The following RFLNA variants were observed in gnomAD, a reference collection of about 807,000 sequenced individuals.
The protein encoded by RFLNA is refilin-A.
In RFLNA, 5 loss-of-function variants were observed where a neutral mutation model predicts 7.8. The ratio of observed to expected loss-of-function variants is 0.64; its 90% CI spans 0.34 to 1.35. The LOEUF (loss-of-function observed/expected upper bound fraction) is 1.35, where lower values mean the gene tolerates loss of function less well. Ranked by LOEUF, RFLNA falls within the 40% of genes most tolerant of loss-of-function variation. The pLI is 0.04. For missense variants in RFLNA, 278 were observed against 305.5 expected (o/e 0.91, Z 0.67); for synonymous variants, 141 against 131.3 (o/e 1.07, Z -0.50).
upstream of RFLNA, among the ~76,000 whole-genome samples, chr12:124,290,224 A>G (rs918370814): frequency 1.3e-5 from 2 of 151,960 alleles, no homozygotes; most frequent in East Asian, 1.9e-4. The surrounding 1 kb of genome is among the most constrained non-coding windows in gnomAD (Gnocchi z 4.0). Flanking sequence ...GTGTGTGTGT[A>G]TGTGTGTAGA....
In RFLNA at chr12:124,314,303, C is replaced by T; in HGVS notation, c.429C>T (p.Asn143=). 6.2e-7 allele frequency: 1 copy of T among 1,613,520 alleles called. No individual in the cohort carries two copies. The highest frequency in any genetic ancestry group is 8.5e-7 in the Non-Finnish European group (1 of 1,180,022). Residue 143 remains asparagine (N), a synonymous_variant, in exon 3 of 3, where the codon AAC becomes AAT. Transcript: ENST00000546355. ...AYSETIVAAP[N]CTWRNYRSQL... Reference sequence around the variant, plus strand: ...GCGAGACCATCGTGGCAGCACCCAACTGCACGTGGCGCAACTACCGCAGCC... The same window carrying T: ...GCGAGACCATCGTGGCAGCACCCAATTGCACGTGGCGCAACTACCGCAGCC...
intron 1 of RFLNA, among the ~76,000 whole-genome samples, chr12:124,300,916 G>GTGGATGGATGGA (rs57838924): frequency 1.4e-5 from 2 of 145,130 alleles, no homozygotes; most frequent in Admixed American, 1.4e-4. Context: ...GGGCAGAAGG[G>GTGGATGGATGGA]TGGATGGATG....
At chr12:124,311,694 C>T (rs1162165649) in intron 1 of RFLNA, 124 bp from the exon 2 acceptor site, 1 of 932,422 alleles carries the variant, frequency 1.1e-6, no homozygotes, top group Non-Finnish European at 1.5e-6. Context: ...TGATGGGCCC[C>T]ACCAAGCAGC....
intron 1 of RFLNA, among the ~76,000 whole-genome samples, chr12:124,296,125 TCTCTCTC>T (rs2033914310): frequency 3.2e-4 from 1 of 3,086 alleles, no homozygotes; most frequent in Non-Finnish European, 0.013. Flanking sequence ...TCTTTCTTTC[TCTCTCTC>T]TCTCTCTTCT....
Position 124,314,574 on chromosome 12 carries a change from A to AGGAGCCGGGAGCCCTGGGG in RFLNA, c.*50_*51insGAGCCGGGAGCCCTGGGGG. 6.5e-7 allele frequency: 1 copy of AGGAGCCGGGAGCCCTGGGG among 1,531,258 alleles called. No homozygotes were observed. The highest frequency in any genetic ancestry group is 8.7e-7 in the Non-Finnish European group (1 of 1,146,358). 94.9% of individuals were successfully genotyped at this position (1,531,258 alleles called of 1,614,324 possible). A position where few individuals can be genotyped will look rare whatever the true frequency, so the allele number is the denominator to read the frequency against. ...GCTGGAGGAGCCGGGAGCCCTGGGGAGAAGCCGGGAGGATGGACACGATGA... is the reference window on the plus strand; with the variant it reads ...GCTGGAGGAGCCGGGAGCCCTGGGGAGGAGCCGGGAGCCCTGGGGGAAGCCGGGAGGATGGACACGATGA... On this transcript the variant is annotated 3_prime_UTR_variant, in exon 3 of 3. Coordinates refer to ENST00000546355, the MANE Select transcript of RFLNA (RefSeq NM_001365156.1).
chr12:124,292,137 A>G (rs2033833398), upstream of RFLNA, among the ~76,000 whole-genome samples: 1 of 152,148 alleles, frequency 6.6e-6, no homozygotes, highest in Non-Finnish European at 1.5e-5. Flanking sequence ...TGTATATGTG[A>G]GGAACTTTGG....
chr12:124,293,844 T>A (rs1363968417), upstream of RFLNA, among the ~76,000 whole-genome samples: 1 of 152,150 alleles, frequency 6.6e-6, no homozygotes, highest in Admixed American at 6.5e-5. Flanking sequence ...GTGCGCTAAT[T>A]CTCACTGCTT....
chr12:124,311,808 C>G lies in RFLNA; in HGVS notation c.208-10C>G. The G allele has an allele frequency of 1.3e-6, 2 of 1,570,938 alleles. No homozygotes were observed. Among genetic ancestry groups the G allele is most frequent in the Non-Finnish European group, 1.7e-6 (2 of 1,159,186 alleles). On this transcript the variant is annotated splice_polypyrimidine_tract_variant and intron_variant, in intron 1 of 2. Transcript: ENST00000546355. ...GCTGCATAACCCCGTGTCCCTGGCTCTCCCCACAGCCCCCCTCCCAACTCC... is the reference window on the plus strand; with the variant it reads ...GCTGCATAACCCCGTGTCCCTGGCTGTCCCCACAGCCCCCCTCCCAACTCC...
intron 1 of RFLNA, among the ~76,000 whole-genome samples, chr12:124,307,725 C>T (rs1026742993): frequency 6.6e-6 from 1 of 152,184 alleles, no homozygotes; most frequent in African/African-American, 2.4e-5. Context: ...ATGTGGTTCT[C>T]TTGTGTGATC....
At chr12:124,299,095 T>C (rs2135676169) in intron 1 of RFLNA, among the ~76,000 whole-genome samples, 1 of 152,386 alleles carries the variant, frequency 6.6e-6, no homozygotes. Context: ...GTGACTGTTC[T>C]ATTTTTATTT....
At chr12:124,296,993 G>A (rs376492734) in intron 1 of RFLNA, among the ~76,000 whole-genome samples, 1 of 152,208 alleles carries the variant, frequency 6.6e-6, no homozygotes, top group African/African-American at 2.4e-5. Flanking sequence ...AGGTGACCAG[G>A]GCTGTTTGAA....
chr12:124,302,020 G>A (rs2034047175), intron 1 of RFLNA, among the ~76,000 whole-genome samples: 2 of 152,274 alleles, frequency 1.3e-5, no homozygotes, highest in East Asian at 1.9e-4. Context: ...GCTGCTGGCC[G>A]CATCACGCCA....
At chr12:124,300,513 T>A (rs1190377940) in intron 1 of RFLNA, among the ~76,000 whole-genome samples, 1 of 152,078 alleles carries the variant, frequency 6.6e-6, no homozygotes, top group Non-Finnish European at 1.5e-5. Flanking sequence ...AAACTGAGTA[T>A]GAGAGAGGAG....
intron 1 of RFLNA, among the ~76,000 whole-genome samples, chr12:124,305,685 C>T (rs2034125448): frequency 6.6e-6 from 1 of 152,212 alleles, no homozygotes; most frequent in Admixed American, 6.5e-5. Context: ...CTGACTCTGA[C>T]CCCCTGGAAA....
intron 1 of RFLNA, among the ~76,000 whole-genome samples, chr12:124,303,975 C>T (rs770544498): frequency 6.6e-6 from 1 of 152,196 alleles, no homozygotes; most frequent in Non-Finnish European, 1.5e-5. Context: ...CCCTCCCCTG[C>T]CTTGCCAGCC....
intron 1 of RFLNA, among the ~76,000 whole-genome samples, chr12:124,302,194 G>A (rs2034049697): frequency 6.6e-6 from 1 of 152,138 alleles, no homozygotes; most frequent in Non-Finnish European, 1.5e-5. Flanking sequence ...TCCAAATAAG[G>A]TGACAGTTGC....
rs755910193 is a variant in RFLNA at position 124,311,924 on chromosome 12, TC to T, written c.316del (p.Arg106AlafsTer48). ...IKVNPEPTHE[I>X]RCNSEVKYAS... The stretch of plus-strand genomic sequence containing the variant: ...GTGAACCCGGAACCCACGCATGAGA[TC>T]CGGTGAGTGGGCCACTGGGCTCTGC... On this transcript the variant is annotated frameshift_variant and splice_region_variant, in exon 2 of 3. Transcript: ENST00000546355. LOFTEE classifies it low-confidence loss of function (END_TRUNC). 6.9e-7 allele frequency: 1 copy of T among 1,443,280 alleles called. No individual in the cohort carries two copies. Among genetic ancestry groups the T allele is most frequent in the South Asian group, 1.2e-5 (1 of 84,528 alleles). The allele number at this position is 1,443,280 out of a possible 1,614,324, so 89.4% of individuals were successfully genotyped here. A position where few individuals can be genotyped will look rare whatever the true frequency, so the allele number is the denominator to read the frequency against.
At chr12:124,312,398 C>A (rs1485185434) in intron 2 of RFLNA, among the ~76,000 whole-genome samples, 3 of 151,574 alleles carry the variant, frequency 2.0e-5, no homozygotes, top group Non-Finnish European at 4.4e-5. Flanking sequence ...GCAGCCTCAA[C>A]CTCCTGGGCT....
At chr12:124,307,118 G>A (rs763231580) in intron 1 of RFLNA, among the ~76,000 whole-genome samples, 8 of 152,210 alleles carry the variant, frequency 5.3e-5, no homozygotes, top group Non-Finnish European at 8.8e-5. Flanking sequence ...CTCCCCATCC[G>A]CGGGGGCATC....
Sources: allele counts gnomAD v4.1 joint callset (sites outside exome capture counted in the v4.1 genomes callset), GRCh38; gene constraint gnomAD v4.1.1; non-coding constraint Gnocchi (gnomAD v3.1); transcripts MANE v1.5; gene names NCBI Gene and HGNC (gene_info 2026-07-23, HGNC 2026-07-21).